Variants in MTREX observed in about 807,000 individuals in gnomAD.
The protein encoded by MTREX is exosome RNA helicase MTR4.
A neutral mutation model predicts 135.4 loss-of-function variants in MTREX; 76 were observed. The ratio of observed to expected loss-of-function variants is 0.56; its 90% CI spans 0.47 to 0.68. MTREX has a LOEUF of 0.68. Ranked by LOEUF, MTREX falls within the 30% of genes least tolerant of loss-of-function variation. The pLI is 0.00. For missense variants in MTREX, 920 were observed against 1,262.1 expected (o/e 0.73, Z 4.11); for synonymous variants, 404 against 401.6 (o/e 1.01, Z -0.07).
chr5:55,424,426 T>G, intron 26 of MTREX: 4 of 202,592 alleles, frequency 2.0e-5, no homozygotes, highest in Non-Finnish European at 3.0e-5. Flanking sequence ...ATTACAGGCA[T>G]GAGCTACTGC....
At chr5:55,349,677 A>C in intron 12 of MTREX, 25 bp downstream of exon 12, 1 of 1,256,522 alleles carries the variant, frequency 8.0e-7, no homozygotes. Context: ...TCAGTAGATA[A>C]AAGTGTAGAT....
intron 18 of MTREX, among the ~76,000 whole-genome samples, chr5:55,380,198 C>A (rs2112101018): frequency 1.3e-5 from 2 of 152,230 alleles, no homozygotes; most frequent in Admixed American, 1.3e-4. Flanking sequence ...CCTCGGCCTC[C>A]CAAAGTGCTG....
chr5:55,377,481 A>G (rs1266702676), intron 16 of MTREX, among the ~76,000 whole-genome samples: 1 of 152,242 alleles, frequency 6.6e-6, no homozygotes, highest in African/African-American at 2.4e-5. Flanking sequence ...TATATTTGCC[A>G]AGATGACTCC....
chr5:55,414,097 G>T (rs1173960992), intron 23 of MTREX, 85 bp from the exon 24 acceptor site: 1 of 925,494 alleles, frequency 1.1e-6, no homozygotes, highest in East Asian at 2.6e-5. Context: ...TATCTTACAA[G>T]CTTTAATTTG....
intron 14 of MTREX, among the ~76,000 whole-genome samples, chr5:55,357,918 TAGG>T (rs767605086): frequency 6.6e-6 from 1 of 151,998 alleles, no homozygotes; most frequent in Non-Finnish European, 1.5e-5. Flanking sequence ...ACCAAGAAAA[TAGG>T]AGAGAATTTT....
At chr5:55,379,076 C>A in intron 17 of MTREX, 51 bp from the exon 18 acceptor site, 1 of 1,282,886 alleles carries the variant, frequency 7.8e-7, no homozygotes, top group Non-Finnish European at 1.1e-6. Context: ...GCTGAAATTG[C>A]CTTGTAGATA....
At chr5:55,326,795 C>T (rs112312064) in intron 3 of MTREX, among the ~76,000 whole-genome samples, 1,659 of 152,134 alleles carry the variant, frequency 0.011, 26 homozygotes, top group African/African-American at 0.037. Flanking sequence ...TTTGCTGCAC[C>T]CATCATCCTG....
intron 15 of MTREX, among the ~76,000 whole-genome samples, chr5:55,366,498 A>T (rs960220709): frequency 2.0e-5 from 3 of 152,182 alleles, no homozygotes; most frequent in Non-Finnish European, 2.9e-5. Flanking sequence ...GCAGAGAGCT[A>T]CACATTTGGC....
intron 1 of MTREX, among the ~76,000 whole-genome samples, chr5:55,314,724 G>T (rs1055885449): frequency 6.6e-6 from 1 of 152,064 alleles, no homozygotes; most frequent in Non-Finnish European, 1.5e-5. Context: ...GCCAACCATC[G>T]CCAACCTTTT....
At position 55,415,969 on chromosome 5, in the gene MTREX, G is replaced by A; in HGVS notation, c.2809-1G>A. The A allele has an allele frequency of 6.3e-7, 1 of 1,577,812 alleles. No homozygotes were observed. Among genetic ancestry groups the A allele is most frequent in the Non-Finnish European group, 8.6e-7 (1 of 1,166,412 alleles). ...GAATTTTAACTCTTTTATCTTTAAA[G>A]GAATGTGCTAAAAGAATTGCAAAAG... On this transcript the variant is annotated splice_acceptor_variant, in intron 24 of 26. Coordinates refer to ENST00000230640, the MANE Select transcript of MTREX (RefSeq NM_015360.5). LOFTEE classifies it high-confidence loss of function.
intron 15 of MTREX, among the ~76,000 whole-genome samples, chr5:55,364,642 A>T: frequency 6.6e-6 from 1 of 152,228 alleles, no homozygotes; most frequent in Non-Finnish European, 1.5e-5. Context: ...GATGGTAGTT[A>T]TAGTAATCTA....
chr5:55,317,489 A>T (rs974360996), intron 1 of MTREX, among the ~76,000 whole-genome samples: 3 of 152,200 alleles, frequency 2.0e-5, no homozygotes, highest in African/African-American at 7.2e-5. Context: ...ATCTACAACC[A>T]TCTGATCTTT....
intron 5 of MTREX, among the ~76,000 whole-genome samples, chr5:55,338,233 A>G (rs2112052459): frequency 6.6e-6 from 1 of 152,054 alleles, no homozygotes; most frequent in South Asian, 2.1e-4. Flanking sequence ...GAGTAGTTTT[A>G]TTTTGCTTTC....
intron 18 of MTREX, among the ~76,000 whole-genome samples, chr5:55,387,195 TC>T (rs1243604631): frequency 6.6e-6 from 1 of 152,090 alleles, no homozygotes; most frequent in Non-Finnish European, 1.5e-5. Flanking sequence ...AATTGTGATT[TC>T]TTTTTTCTTC....
chr5:55,415,418 G>C (rs531822214), intron 24 of MTREX, among the ~76,000 whole-genome samples: 1 of 152,236 alleles, frequency 6.6e-6, no homozygotes, highest in South Asian at 2.1e-4. Flanking sequence ...GGCCAGTTCA[G>C]TGGAACATGT....
At chr5:55,416,971 T>C (rs2111624623) in intron 25 of MTREX, among the ~76,000 whole-genome samples, 1 of 152,322 alleles carries the variant, frequency 6.6e-6, no homozygotes, top group Non-Finnish European at 1.5e-5. Context: ...AGATTACTGA[T>C]TTTATGAATC....
intron 16 of MTREX, among the ~76,000 whole-genome samples, chr5:55,367,484 CAAA>C (rs200853559): frequency 1.1e-4 from 11 of 102,808 alleles, no homozygotes; most frequent in Admixed American, 2.2e-4. Context: ...GACTCCGACT[CAAA>C]AAAAAAAAAA....
Position 55,425,385 on chromosome 5 carries a change from A to G in MTREX, c.*613A>G. 6.7e-7 allele frequency: 1 copy of G among 1,494,948 alleles called. No individual in the cohort carries two copies. The highest frequency in any genetic ancestry group is 1.2e-5 in the South Asian group (1 of 82,892). 92.6% of individuals were successfully genotyped at this position (1,494,948 alleles called of 1,614,324 possible). Reference sequence around the variant, plus strand: ...TAATTTAGATCAAGTTAAAAACTACATACAAAGTTGTGATCAACAGCATCC... The same window carrying G: ...TAATTTAGATCAAGTTAAAAACTACGTACAAAGTTGTGATCAACAGCATCC... On this transcript the variant is annotated 3_prime_UTR_variant, in exon 27 of 27. Coordinates refer to ENST00000230640, the MANE Select transcript of MTREX (RefSeq NM_015360.5).
intron 25 of MTREX, among the ~76,000 whole-genome samples, chr5:55,420,358 C>T (rs1403481048): frequency 6.6e-6 from 1 of 152,150 alleles, no homozygotes; most frequent in Admixed American, 6.5e-5. Flanking sequence ...TGTTCATCAA[C>T]CGGGTAAGGC....
Sources: gnomAD v4.1 joint callset for allele counts (sites outside exome capture counted in the v4.1 genomes callset) on GRCh38, gnomAD v4.1.1 for gene constraint, MANE v1.5 for transcripts, NCBI Gene and HGNC (gene_info 2026-07-23, HGNC 2026-07-21) for gene names.